Variants in DNAH8 observed in about 807,000 individuals in gnomAD.
DNAH8 encodes axonemal beta dynein heavy chain 8.
In DNAH8, 382 loss-of-function variants were observed where a neutral mutation model predicts 562.1. That is an observed-to-expected ratio of 0.68 (90% confidence interval 0.63 to 0.74). The LOEUF (loss-of-function observed/expected upper bound fraction) is 0.74, where lower values mean the gene tolerates loss of function less well. Among genes scored for constraint, DNAH8 ranks in the 30% least tolerant of loss-of-function variants. The probability of loss-of-function intolerance (pLI) is 0.00; values close to 1 mark genes in which losing one functional copy is unlikely to be tolerated. For synonymous variants in DNAH8, 1,881 were observed against 1,919.4 expected, an observed-to-expected ratio of 0.98 and a Z score of 0.52; for missense variants, 5,203 against 5,620.4, an observed-to-expected ratio of 0.93 and a Z score of 2.37.
chr6:38,830,133 TTCTC>T (rs924087362), intron 30 of DNAH8, among the ~76,000 whole-genome samples: 2 of 152,216 alleles, frequency 1.3e-5, no homozygotes, highest in Non-Finnish European at 2.9e-5. Context: ...TGTTTTTCTA[TTCTC>T]TCTACCATTT....
chr6:38,777,072 T>C (rs1451340340), intron 13 of DNAH8, among the ~76,000 whole-genome samples: 1 of 152,220 alleles, frequency 6.6e-6, no homozygotes, highest in Non-Finnish European at 1.5e-5. Flanking sequence ...AGAAAGATCC[T>C]AAAATTCTAC....
At chr6:38,931,752 C>T in intron 75 of DNAH8, 59 bp from the exon 76 acceptor site, 1 of 1,157,736 alleles carries the variant, frequency 8.6e-7, no homozygotes, top group African/African-American at 1.6e-5. Flanking sequence ...CTAAATTGAA[C>T]CCAAGTTCCT....
chr6:38,987,232 G>T (rs959546289), intron 87 of DNAH8, among the ~76,000 whole-genome samples: 2 of 152,178 alleles, frequency 1.3e-5, no homozygotes, highest in African/African-American at 4.8e-5. Context: ...AAGAAGTGTC[G>T]CTGTCTCAGC....
intron 13 of DNAH8, among the ~76,000 whole-genome samples, chr6:38,777,338 T>G (rs1768169697): frequency 6.6e-6 from 1 of 152,216 alleles, no homozygotes; most frequent in Non-Finnish European, 1.5e-5. Context: ...AAGGCTTTAT[T>G]GTGGACTTAG....
chr6:38,788,367 G>A (rs1392375026), intron 18 of DNAH8, among the ~76,000 whole-genome samples: 2 of 152,108 alleles, frequency 1.3e-5, no homozygotes, highest in Non-Finnish European at 2.9e-5. Flanking sequence ...GGCCAGGATG[G>A]TCTCGATCTC....
intron 10 of DNAH8, among the ~76,000 whole-genome samples, chr6:38,756,682 C>T (rs1389469323): frequency 1.3e-5 from 2 of 149,010 alleles, no homozygotes; most frequent in African/African-American, 2.5e-5. Context: ...CCCTCCACCC[C>T]ATGACAGGCC....
At chr6:38,880,753 T>A (rs1778413453) in intron 53 of DNAH8, among the ~76,000 whole-genome samples, 1 of 152,166 alleles carries the variant, frequency 6.6e-6, no homozygotes, top group Non-Finnish European at 1.5e-5. Flanking sequence ...GGGGTCTGGG[T>A]GCAGTGGCTC....
At chr6:38,916,053 A>G (rs948088170) in intron 68 of DNAH8, among the ~76,000 whole-genome samples, 5 of 152,148 alleles carry the variant, frequency 3.3e-5, no homozygotes, top group African/African-American at 1.2e-4. Context: ...ATTGATCCTT[A>G]AAGAATCAAT....
rs1778285114 is a variant in DNAH8, at chr6:38,879,398, T to A, written c.7859-3512T>A. On this transcript the variant is annotated intron_variant, in intron 53 of 92. Transcript: ENST00000327475. ...ATCCAATAGTATACAAAAGTCCAAC[T>A]GTGGCTTTTATTCTAGAAATGGAAG... Among the ~76,000 whole-genome samples the A allele has an allele frequency of 1.3e-5, 2 of 152,300 alleles. 1 individual carries two copies. The highest frequency in any genetic ancestry group is 4.1e-4 in the South Asian group (2 of 4,828).
At chr6:38,747,408 G>A (rs1038615208) in intron 8 of DNAH8, among the ~76,000 whole-genome samples, 1 of 128,226 alleles carries the variant, frequency 7.8e-6, no homozygotes, top group Non-Finnish European at 1.6e-5. Context: ...TTTTTTTGAG[G>A]CAAAATCTCA....
chr6:38,835,214 G>GCAAT (rs1325711909), intron 32 of DNAH8, among the ~76,000 whole-genome samples: 1 of 151,860 alleles, frequency 6.6e-6, no homozygotes, highest in Non-Finnish European at 1.5e-5. Flanking sequence ...GGAGCATCAA[G>GCAAT]CAATTCTCTT....
chr6:38,917,062 T>C (rs1280020348), intron 68 of DNAH8, among the ~76,000 whole-genome samples, 177 bp from the exon 69 acceptor site: 1 of 152,074 alleles, frequency 6.6e-6, no homozygotes, highest in Admixed American at 6.6e-5. Context: ...GAAGAATACA[T>C]ACAAATAAAC....
chr6:38,913,800 A>G, intron 66 of DNAH8, 49 bp from the exon 67 acceptor site: 1 of 1,233,790 alleles, frequency 8.1e-7, no homozygotes, highest in Non-Finnish European at 1.2e-6. Flanking sequence ...TATTTGATGA[A>G]GGCATATACC....
intron 89 of DNAH8, among the ~76,000 whole-genome samples, chr6:39,011,847 GA>G (rs1766231432): frequency 6.6e-6 from 1 of 151,980 alleles, no homozygotes; most frequent in African/African-American, 2.4e-5. Context: ...ACATAATGAA[GA>G]AAAAAATTCC....
Position 38,857,519 on chromosome 6 carries a change from T to A in DNAH8, c.5735T>A (p.Val1912Asp), listed in dbSNP as rs746333530. Residue 1912 changes from valine (V) to aspartate (D), a missense_variant and splice_region_variant, in exon 42 of 93, where the codon GTT (valine) becomes GAT (aspartate). Around this residue, in one of 6 missense-constraint regions of DNAH8, gnomAD observed 2,176 missense variants for 2,365.1 expected, o/e 0.92. Transcript: ENST00000327475. ...AATATTTTTCTGCTGGATCTGTAGG[T>A]TGGACTTCTGGGAATTCAGATGTTG... ...LPFLSHFPAQ[V>D]GLLGIQMLWT... The A allele has an allele frequency of 1.2e-6, 2 of 1,604,052 alleles. No individual in the cohort carries two copies. Among genetic ancestry groups the A allele is most frequent in the Admixed American group, 1.7e-5 (1 of 59,174 alleles).
chr6:38,755,122 G>T (rs2127599551), intron 9 of DNAH8, among the ~76,000 whole-genome samples: 1 of 152,112 alleles, frequency 6.6e-6, no homozygotes, highest in East Asian at 1.9e-4. Context: ...ACCCACTGGT[G>T]GCCTAGTATT....
chr6:38,894,882 A>T lies in DNAH8; in HGVS notation c.8747+18A>T. The T allele has an allele frequency of 1.9e-6, 3 of 1,606,712 alleles. No individual in the cohort carries two copies. The highest frequency in any genetic ancestry group is 2.5e-6 in the Non-Finnish European group (3 of 1,177,248). ...GCAGACAGGTGCGTGTTGCGGCACT[A>T]GAGTTTAAATGTATGACCTGAGAAG... On this transcript the variant is annotated intron_variant, in intron 59 of 92. Transcript: ENST00000327475.
intron 86 of DNAH8, 101 bp downstream of exon 86, chr6:38,982,563 C>T (rs1259169334): frequency 2.9e-6 from 2 of 692,032 alleles, no homozygotes; most frequent in Non-Finnish European, 5.0e-6. Context: ...TTGCTGAGCC[C>T]CATGGAGCCC....
chr6:38,992,486 T>C (rs1305497364), intron 88 of DNAH8, among the ~76,000 whole-genome samples: 1 of 152,186 alleles, frequency 6.6e-6, no homozygotes, highest in Non-Finnish European at 1.5e-5. Context: ...CATAGAAAGA[T>C]CCCACAAGTT....
Sources: gnomAD v4.1 joint callset for allele counts (sites outside exome capture counted in the v4.1 genomes callset) on GRCh38, gnomAD v4.1.1 for gene constraint, gnomAD v4.1.1 regional missense constraint, MANE v1.5 for transcripts, NCBI Gene and HGNC (gene_info 2026-07-23, HGNC 2026-07-21) for gene names.